CHIC2: variants seen among roughly 807,000 people sequenced by gnomAD.
CHIC2 encodes cysteine rich hydrophobic domain 2, also known as cysteine-rich hydrophobic domain-containing protein 2.
CHIC2 carries 14 observed loss-of-function variants against 25.9 expected under a neutral mutation model. The observed-to-expected ratio is 0.54, with a 90% CI of 0.36 to 0.85. The LOEUF is 0.85. CHIC2 is among the 40% of genes least tolerant of loss of function. The probability of loss-of-function intolerance (pLI) is 0.01; values close to 1 mark genes in which losing one functional copy is unlikely to be tolerated. For missense variants in CHIC2, 146 were observed against 202.0 expected (o/e 0.72, Z 1.68); for synonymous variants, 70 against 72.0 (o/e 0.97, Z 0.14).
At chr4:54,043,912 T>G (rs1371874274) in intron 3 of CHIC2, among the ~76,000 whole-genome samples, 1 of 152,000 alleles carries the variant, frequency 6.6e-6, no homozygotes, top group African/African-American at 2.4e-5. Flanking sequence ...GAAACACATC[T>G]CACGTGCAGA....
the CHIC2 span, among the ~76,000 whole-genome samples, chr4:54,073,066 T>TA: frequency 8.2e-4 from 118 of 143,718 alleles, 1 homozygote; most frequent in Admixed American, 9.7e-4. Flanking sequence ...AGACTCCGTC[T>TA]AAAAAAAAAA....
intron 3 of CHIC2, among the ~76,000 whole-genome samples, chr4:54,047,044 A>G: frequency 6.6e-6 from 1 of 152,248 alleles, no homozygotes; most frequent in East Asian, 1.9e-4. Flanking sequence ...AAACACATGA[A>G]AAAATGCTCA....
At chr4:54,043,586 T>C (rs1193872843) in intron 3 of CHIC2, among the ~76,000 whole-genome samples, 3 of 152,090 alleles carry the variant, frequency 2.0e-5, no homozygotes, top group Non-Finnish European at 2.9e-5. Flanking sequence ...TAAAATACTT[T>C]ACAGACAAGC....
intron 3 of CHIC2, among the ~76,000 whole-genome samples, chr4:54,031,159 G>C (rs1716216667): frequency 6.9e-6 from 1 of 145,838 alleles, no homozygotes; most frequent in Non-Finnish European, 1.5e-5. Context: ...CCTGTCCTTT[G>C]CTCAGATTAA....
intron 3 of CHIC2, among the ~76,000 whole-genome samples, chr4:54,039,881 TAAAAG>T (rs35923944): frequency 0.058 from 8,880 of 152,096 alleles, 849 homozygotes; most frequent in African/African-American, 0.2. Context: ...TATTAATACA[TAAAAG>T]AAAATAGATG....
chr4:54,071,359 A>T, the CHIC2 span, among the ~76,000 whole-genome samples: 1 of 152,198 alleles, frequency 6.6e-6, no homozygotes, highest in Non-Finnish European at 1.5e-5. Context: ...ATAGTATTCC[A>T]AGCACTATTC....
chr4:54,082,676 C>T, the CHIC2 span, among the ~76,000 whole-genome samples: 3 of 152,214 alleles, frequency 2.0e-5, no homozygotes, highest in Admixed American at 1.3e-4. Flanking sequence ...ACCAACCTGT[C>T]TTACAACCTT....
At chr4:54,011,616 G>A (rs369727151) in intron 5 of CHIC2, among the ~76,000 whole-genome samples, 3 of 151,960 alleles carry the variant, frequency 2.0e-5, no homozygotes, top group African/African-American at 7.2e-5. Context: ...CCAGGTATGG[G>A]CATCCCCACA....
In CHIC2 at chr4:54,064,472, A is replaced by G. The variant is rs2110097703; in HGVS notation, c.-172T>C. 6.9e-7 allele frequency: 1 copy of G among 1,455,512 alleles called. No individual in the cohort carries two copies. Among genetic ancestry groups the G allele is most frequent in the South Asian group, 1.4e-5 (1 of 69,410 alleles). 90.2% of individuals were successfully genotyped at this position (1,455,512 alleles called of 1,614,324 possible). ...CGGCTACAGAGGGGATGGGGTCTGG[A>G]CCGTCGCCGCCACCGCCGCCGCCAT... On this transcript the variant is annotated 5_prime_UTR_variant, in exon 1 of 6. Transcript: ENST00000263921. This position sits in a 1 kb window ranked among gnomAD's most constrained non-coding sequence, Gnocchi z 4.2.
upstream of CHIC2, among the ~76,000 whole-genome samples, chr4:54,066,395 T>C (rs1342934673): frequency 2.6e-5 from 4 of 152,236 alleles, no homozygotes; most frequent in Non-Finnish European, 5.9e-5. Context: ...CACAGCATTA[T>C]GTAATATTTT....
intron 3 of CHIC2, 61 bp from the exon 4 acceptor site, chr4:54,014,180 G>A (rs1314375903): frequency 6.8e-7 from 1 of 1,467,252 alleles, no homozygotes. Context: ...TTGTTTTGCA[G>A]CTGCTTTTTC....
the CHIC2 span, among the ~76,000 whole-genome samples, chr4:54,075,870 C>G: frequency 6.6e-6 from 1 of 152,112 alleles, no homozygotes; most frequent in Non-Finnish European, 1.5e-5. Context: ...TATTTACATA[C>G]TGCTTAATAT....
intron 3 of CHIC2, among the ~76,000 whole-genome samples, chr4:54,034,771 T>A (rs766315224): frequency 2.0e-5 from 3 of 152,212 alleles, no homozygotes; most frequent in Admixed American, 6.5e-5. Flanking sequence ...ATCTCCAGAA[T>A]AACATTGATT....
intron 3 of CHIC2, among the ~76,000 whole-genome samples, chr4:54,019,932 TAATA>T: frequency 6.6e-6 from 1 of 152,132 alleles, no homozygotes; most frequent in Middle Eastern, 3.4e-3. Context: ...AGATAAAAAT[TAATA>T]AATATAGTTT....
intron 3 of CHIC2, among the ~76,000 whole-genome samples, chr4:54,044,034 A>G (rs1453059439): frequency 6.6e-6 from 1 of 152,218 alleles, no homozygotes; most frequent in African/African-American, 2.4e-5. Flanking sequence ...CTTTAAACCA[A>G]CAAAGATCAA....
intron 3 of CHIC2, 95 bp downstream of exon 3, chr4:54,048,860 G>C: frequency 9.9e-7 from 1 of 1,013,102 alleles, no homozygotes; most frequent in Non-Finnish European, 1.4e-6. Flanking sequence ...ATTCAGGATA[G>C]TGTGATTCAT....
chr4:54,038,792 TGA>T (rs1323339627), intron 3 of CHIC2, among the ~76,000 whole-genome samples: 5 of 152,036 alleles, frequency 3.3e-5, no homozygotes, highest in Admixed American at 6.6e-5. Flanking sequence ...GAGGCCGAGA[TGA>T]GAGAATCGCT....
At chr4:54,068,904 C>A (rs1717567754), upstream of CHIC2, among the ~76,000 whole-genome samples, 1 of 152,212 alleles carries the variant, frequency 6.6e-6, no homozygotes, top group Non-Finnish European at 1.5e-5. Flanking sequence ...TCCCACAACA[C>A]CCTCGTCAAG....
chr4:54,083,812 A>G, the CHIC2 span, among the ~76,000 whole-genome samples: 8 of 152,180 alleles, frequency 5.3e-5, no homozygotes, highest in Non-Finnish European at 4.4e-5. Flanking sequence ...TTTTCTGCTT[A>G]GCATCCTTCA....
Sources: allele counts gnomAD v4.1 joint callset (sites outside exome capture counted in the v4.1 genomes callset), GRCh38; gene constraint gnomAD v4.1.1; non-coding constraint Gnocchi (gnomAD v3.1); transcripts MANE v1.5; gene names NCBI Gene and HGNC (gene_info 2026-07-23, HGNC 2026-07-21).